Variants in TEX2 observed in about 807,000 individuals in gnomAD.
TEX2 encodes the protein testis-expressed protein 2.
In TEX2, 53 loss-of-function variants were observed where a neutral mutation model predicts 106.9. That is an observed-to-expected ratio of 0.50 (90% CI 0.40 to 0.62). The LOEUF is 0.62. Among genes scored for constraint, TEX2 ranks in the 20% least tolerant of loss-of-function variants. TEX2 has a pLI of 0.00. For missense variants in TEX2, 1,207 were observed against 1,379.0 expected, an observed-to-expected ratio of 0.88 and a Z score of 1.98; for synonymous variants, 523 against 534.8, an observed-to-expected ratio of 0.98 and a Z score of 0.30.
chr17:64,253,129 CATG>C (rs1474989978), intron 1 of TEX2, among the ~76,000 whole-genome samples: 3 of 152,214 alleles, frequency 2.0e-5, no homozygotes, highest in African/African-American at 7.2e-5. Flanking sequence ...AAGGATGTGA[CATG>C]ATGATGTTAG....
At position 64,213,877 on chromosome 17, in the gene TEX2, A is replaced by T. The variant is rs782797338; in HGVS notation, c.341T>A (p.Val114Glu). 3 of 1,614,102 alleles carry T rather than the reference A, an allele frequency of 1.9e-6. No homozygotes were observed. In the African/African-American group the frequency reaches 4.0e-5, roughly 22 times the overall value. Residue 114 changes from valine (V) to glutamate (E), a missense_variant, in exon 2 of 12, where the codon GTA becomes GAA. Val to Glu is a moderately radical substitution (Grantham distance 121). Around this residue, in one of 3 missense-constraint regions of TEX2, gnomAD observed 1,067 missense variants for 1,193.6 expected, o/e 0.89. Transcript: ENST00000584379. The surrounding 1 kb of genome is among the most constrained non-coding windows in gnomAD (Gnocchi z 4.4). Reference sequence around the variant, plus strand: ...TGGAACAGGGGACTCCAACAGCTTTACAGTGTTCTTGGAGACGGGCAAAAT... The same window carrying T: ...TGGAACAGGGGACTCCAACAGCTTTTCAGTGTTCTTGGAGACGGGCAAAAT... The part of the protein sequence containing the change: ...PAILPVSKNT[V>E]KLLESPVPAA...
intron 1 of TEX2, among the ~76,000 whole-genome samples, chr17:64,251,200 G>A (rs137940689): frequency 2.4e-4 from 37 of 152,230 alleles, no homozygotes; most frequent in Non-Finnish European, 4.3e-4. Flanking sequence ...TCACACTCAG[G>A]CATGAGCTTA....
chr17:64,250,825 G>C (rs782407640), intron 1 of TEX2, among the ~76,000 whole-genome samples: 1 of 152,036 alleles, frequency 6.6e-6, no homozygotes, highest in Non-Finnish European at 1.5e-5. Flanking sequence ...GAGACCACAG[G>C]TGCATGTCAC....
rs1555631860 is a variant in TEX2, at chr17:64,213,019, A to T, written c.1199T>A (p.Leu400Gln). 1 of 1,614,244 alleles carries T rather than the reference A, an allele frequency of 6.2e-7. No individual in the cohort carries two copies. Among genetic ancestry groups the T allele is most frequent in the East Asian group, 2.2e-5 (1 of 44,892 alleles). ...AGACAAAGAACATTTCTCCAGAACT[A>T]GAGAACTTGTCTTCAGGCCTAAATC... ...LKDLGLKTSS[L>Q]VLEKCSLSAL... The change falls in exon 2 of 12, where the codon CTA (leucine) becomes CAA (glutamine). Residue 400 changes from leucine to glutamine, a missense_variant. Coordinates refer to ENST00000584379, the MANE Select transcript of TEX2 (RefSeq NM_001288732.2). This position sits in a 1 kb window ranked among gnomAD's most constrained non-coding sequence, Gnocchi z 4.4.
At position 64,235,019 on chromosome 17, in the gene TEX2, T is replaced by C. The variant is rs910724687; in HGVS notation, c.-25-20777A>G. 3.9e-5 allele frequency among the ~76,000 whole-genome samples: 6 copies of C among 152,234 alleles called. No individual in the cohort carries two copies. In the East Asian group the frequency reaches 1.2e-3, roughly 29 times the overall value. ...CAGGAATTCTTGGAAAAAAGGGCCA[T>C]AGAGATCCAAGTCAAACGCAGTCCT... On this transcript the variant is annotated intron_variant, in intron 1 of 11. Coordinates refer to ENST00000584379, the MANE Select transcript of TEX2 (RefSeq NM_001288732.2).
chr17:64,188,124 T>C, intron 5 of TEX2, 44 bp downstream of exon 5: 1 of 1,586,126 alleles, frequency 6.3e-7, no homozygotes, highest in East Asian at 2.2e-5. Context: ...GAAATGTGTC[T>C]AAGTCGAAAA....
intron 1 of TEX2, among the ~76,000 whole-genome samples, chr17:64,255,376 T>G (rs1555637539): frequency 1.3e-5 from 2 of 152,178 alleles, no homozygotes; most frequent in Non-Finnish European, 2.9e-5. Context: ...TGCAGGCATT[T>G]TTTTCTCTAG....
chr17:64,177,042 G>C (rs554586652), intron 6 of TEX2, among the ~76,000 whole-genome samples: 1 of 152,236 alleles, frequency 6.6e-6, no homozygotes, highest in South Asian at 2.1e-4. Context: ...TCGGTTATAA[G>C]AGCTCACATT....
intron 1 of TEX2, among the ~76,000 whole-genome samples, chr17:64,237,882 G>A (rs2033804931): frequency 6.6e-6 from 1 of 152,186 alleles, no homozygotes; most frequent in Non-Finnish European, 1.5e-5. Flanking sequence ...ACCCAGATAG[G>A]AGACTAACAG....
intron 5 of TEX2, among the ~76,000 whole-genome samples, chr17:64,187,076 T>A (rs2032103300): frequency 6.6e-6 from 1 of 152,176 alleles, no homozygotes; most frequent in Admixed American, 6.5e-5. Context: ...TTTCTCCGCT[T>A]ACAAAATGGA....
At position 64,205,337 on chromosome 17, in the gene TEX2, C is replaced by T. The variant is rs2032797197; in HGVS notation, c.1644+7237G>A. Among the ~76,000 whole-genome samples the T allele has an allele frequency of 6.6e-6, 1 of 152,162 alleles. No individual in the cohort carries two copies. Among genetic ancestry groups the T allele is most frequent in the Non-Finnish European group, 1.5e-5 (1 of 68,016 alleles). On this transcript the variant is annotated intron_variant, in intron 2 of 11. Coordinates refer to ENST00000584379, the MANE Select transcript of TEX2 (RefSeq NM_001288732.2). This position sits in a 1 kb window ranked among gnomAD's most constrained non-coding sequence, Gnocchi z 4.0. ...ACAAACAAACATACAAACAAACAAA[C>T]ATCTCACCTGAAAACTATTCTACAA...
At chr17:64,156,464 A>G (rs964266354) in intron 8 of TEX2, among the ~76,000 whole-genome samples, 5 of 152,108 alleles carry the variant, frequency 3.3e-5, no homozygotes, top group African/African-American at 1.2e-4. Flanking sequence ...TCCTCCTTCC[A>G]CCAGAGGCCT....
chr17:64,199,398 G>A (rs782055738), intron 2 of TEX2, among the ~76,000 whole-genome samples: 5 of 152,012 alleles, frequency 3.3e-5, no homozygotes, highest in South Asian at 2.1e-4. Flanking sequence ...CACCACGCCC[G>A]GCTAATTTTC....
At chr17:64,152,794 G>C (rs1429285399) in intron 10 of TEX2, 151 bp downstream of exon 10, 3 of 661,116 alleles carry the variant, frequency 4.5e-6, no homozygotes, top group Non-Finnish European at 7.7e-6. Flanking sequence ...CATCAGATTT[G>C]CAACTAATAT....
At chr17:64,194,389 C>A (rs959524356) in intron 3 of TEX2, among the ~76,000 whole-genome samples, 8 of 152,154 alleles carry the variant, frequency 5.3e-5, no homozygotes, top group African/African-American at 1.9e-4. Context: ...ACTGTAAGAA[C>A]AGAGAAACAA....
chr17:64,252,845 G>A (rs2034116682), intron 1 of TEX2, among the ~76,000 whole-genome samples: 1 of 152,212 alleles, frequency 6.6e-6, no homozygotes, highest in African/African-American at 2.4e-5. Context: ...GTAACAAACT[G>A]TGATGAGTGC....
At chr17:64,212,020 C>T (rs561320890) in intron 2 of TEX2, among the ~76,000 whole-genome samples, 86 of 152,288 alleles carry the variant, frequency 5.6e-4, no homozygotes, top group African/African-American at 2.1e-3. Context: ...TTTCTTCCTG[C>T]TTCCCAATGA....
At chr17:64,166,945 A>G (rs2031167206) in intron 7 of TEX2, among the ~76,000 whole-genome samples, 2 of 152,170 alleles carry the variant, frequency 1.3e-5, no homozygotes, top group Admixed American at 6.5e-5. Flanking sequence ...TGTGTGGCCT[A>G]AAGGAAAGAA....
At chr17:64,181,406 G>T (rs2031851054) in intron 5 of TEX2, among the ~76,000 whole-genome samples, 2 of 149,652 alleles carry the variant, frequency 1.3e-5, no homozygotes, top group South Asian at 4.2e-4. Flanking sequence ...AGCCCAGGAG[G>T]CAGAGGTTGC....
Sources: allele counts gnomAD v4.1 joint callset (sites outside exome capture counted in the v4.1 genomes callset), GRCh38; gene constraint gnomAD v4.1.1; regional missense constraint gnomAD v4.1.1; non-coding constraint Gnocchi (gnomAD v3.1); transcripts MANE v1.5; gene names NCBI Gene and HGNC (gene_info 2026-07-23, HGNC 2026-07-21).